CEP152: variants seen among roughly 807,000 people sequenced by gnomAD.
CEP152 encodes centrosomal protein 152, also known as centrosomal protein of 152 kDa.
In CEP152, 132 loss-of-function variants were observed where a neutral mutation model predicts 188.9. The ratio of observed to expected loss-of-function variants is 0.70; its 90% CI spans 0.61 to 0.81. The LOEUF is 0.81. CEP152 is among the 30% of genes least tolerant of loss of function. The pLI is 0.00. For synonymous variants in CEP152, 649 were observed against 666.6 expected, an observed-to-expected ratio of 0.97 and a Z score of 0.41; for missense variants, 1,914 against 1,969.8, an observed-to-expected ratio of 0.97 and a Z score of 0.54.
downstream of CEP152, among the ~76,000 whole-genome samples, chr15:48,734,079 G>T (rs1005815934): frequency 6.6e-6 from 1 of 151,994 alleles, no homozygotes; most frequent in Non-Finnish European, 1.5e-5. Context: ...AAGAGCAGCA[G>T]AAATGATTAC....
At chr15:48,789,110 T>C in intron 8 of CEP152, 109 bp from the exon 9 acceptor site, 8 of 1,012,122 alleles carry the variant, frequency 7.9e-6, no homozygotes, top group Non-Finnish European at 1.2e-5. Flanking sequence ...CAAGCATGTT[T>C]TAATGAGAGT....
intron 13 of CEP152, among the ~76,000 whole-genome samples, chr15:48,771,215 CTTACTTA>C (rs1221622082): frequency 1.3e-5 from 2 of 152,148 alleles, no homozygotes; most frequent in African/African-American, 4.8e-5. Context: ...ATATCTTTGA[CTTACTTA>C]TTAGTCATGT....
chr15:48,736,480 G>T (rs117521888), downstream of CEP152, among the ~76,000 whole-genome samples: 12 of 152,122 alleles, frequency 7.9e-5, no homozygotes, highest in East Asian at 2.1e-3. Context: ...TATCTACAGG[G>T]CTCCTGCCTC....
intron 9 of CEP152, among the ~76,000 whole-genome samples, chr15:48,788,326 C>CTTTTTT: frequency 1.0e-5 from 1 of 97,062 alleles, no homozygotes; most frequent in Non-Finnish European, 2.0e-5. Context: ...TCACTGGCTT[C>CTTTTTT]TTTTTTTTTT....
At chr15:48,778,368 C>T (rs1251723293) in intron 12 of CEP152, among the ~76,000 whole-genome samples, 1 of 152,132 alleles carries the variant, frequency 6.6e-6, no homozygotes, top group Admixed American at 6.6e-5. Flanking sequence ...GGGAAAGAGA[C>T]AAATATCTTC....
At chr15:48,758,033 C>T (rs150840637) in intron 19 of CEP152, among the ~76,000 whole-genome samples, 45 of 152,326 alleles carry the variant, frequency 3.0e-4, no homozygotes, top group African/African-American at 1.0e-3. Flanking sequence ...CTTTGCTGCA[C>T]ATTAGAATCA....
At chr15:48,780,251 C>T (rs970463171) in intron 12 of CEP152, among the ~76,000 whole-genome samples, 1 of 152,094 alleles carries the variant, frequency 6.6e-6, no homozygotes, top group African/African-American at 2.4e-5. Context: ...GGATGAGAGT[C>T]CCTGAAGACA....
chr15:48,757,229 G>A (rs1227435016), intron 19 of CEP152, among the ~76,000 whole-genome samples: 5 of 152,148 alleles, frequency 3.3e-5, no homozygotes, highest in Non-Finnish European at 7.4e-5. Flanking sequence ...AACAGAATCT[G>A]GAGACAAACT....
chr15:48,767,033 T>G (rs1471086839), intron 17 of CEP152, 27 bp downstream of exon 17: 1 of 1,610,832 alleles, frequency 6.2e-7, no homozygotes, highest in Admixed American at 1.7e-5. Context: ...TGAAAGGATG[T>G]CGATACAACA....
At chr15:48,808,635 AAAAC>A (rs1042231250) in intron 1 of CEP152, among the ~76,000 whole-genome samples, 5 of 152,194 alleles carry the variant, frequency 3.3e-5, no homozygotes, top group South Asian at 4.1e-4. Flanking sequence ...CTAGATTGAA[AAAAC>A]AAACAAACAA....
intron 12 of CEP152, among the ~76,000 whole-genome samples, chr15:48,774,328 T>C (rs1407628086): frequency 6.6e-6 from 1 of 152,152 alleles, no homozygotes; most frequent in African/African-American, 2.4e-5. Flanking sequence ...AAATTTTTCC[T>C]AATTTGATGA....
chr15:48,807,781 C>A (rs1898080086), intron 1 of CEP152, among the ~76,000 whole-genome samples: 1 of 152,136 alleles, frequency 6.6e-6, no homozygotes, highest in East Asian at 1.9e-4. Flanking sequence ...CTGCCATCAA[C>A]TGATGTTGAT....
Position 48,756,529 on chromosome 15 carries a change from T to C in CEP152, c.2719A>G (p.Lys907Glu), listed in dbSNP as rs867699573. The C allele has an allele frequency of 1.2e-6, 2 of 1,607,648 alleles. No homozygotes were observed. Among genetic ancestry groups the C allele is most frequent in the Admixed American group, 3.3e-5 (2 of 59,980 alleles). The change falls in exon 20 of 27, where the codon AAA (lysine) becomes GAA (glutamate). Residue 907 changes from lysine to glutamate, a missense_variant. By Grantham distance (56) the Lys-to-Glu change is moderately conservative (BLOSUM62 1). Coordinates refer to ENST00000380950, the MANE Select transcript of CEP152 (RefSeq NM_001194998.2). Reference protein sequence around the residue: ...KRISFAVSEAKEKWKSELENM... With the variant: ...KRISFAVSEAEEKWKSELENM... ...TCAAGCTCACTCTTCCATTTCTCTT[T>C]AGCTTCAGAAACAGCAAATGATATC...
At chr15:48,808,201 ATTATCACT>A (rs1037044322) in intron 1 of CEP152, among the ~76,000 whole-genome samples, 3 of 151,900 alleles carry the variant, frequency 2.0e-5, no homozygotes, top group African/African-American at 7.2e-5. Flanking sequence ...ATCACCACTC[ATTATCACT>A]GCTACCAGAG....
chr15:48,762,693 A>G (rs781188458), intron 17 of CEP152, 21 bp from the exon 18 acceptor site: 3 of 1,611,004 alleles, frequency 1.9e-6, no homozygotes, highest in South Asian at 1.1e-5. Context: ...AAGAAAAATC[A>G]TACGAGAAGA....
At chr15:48,782,274 G>A (rs1896304971) in intron 10 of CEP152, 44 bp from the exon 11 acceptor site, 1 of 1,534,558 alleles carries the variant, frequency 6.5e-7, no homozygotes. Context: ...AAATTAAGGG[G>A]ACAAAGTGCT....
intron 2 of CEP152, among the ~76,000 whole-genome samples, chr15:48,799,757 C>G (rs1023267917): frequency 6.6e-6 from 1 of 151,948 alleles, no homozygotes; most frequent in Non-Finnish European, 1.5e-5. Flanking sequence ...CAAGACATGC[C>G]TCAAATGAAA....
chr15:48,760,760 T>C (rs1894626616), intron 18 of CEP152, among the ~76,000 whole-genome samples: 1 of 152,142 alleles, frequency 6.6e-6, no homozygotes, highest in African/African-American at 2.4e-5. Context: ...ATGAGGGTGA[T>C]ACCTCTGAAG....
chr15:48,735,387 C>G (rs147663622), downstream of CEP152, among the ~76,000 whole-genome samples: 58 of 152,288 alleles, frequency 3.8e-4, no homozygotes, highest in African/African-American at 1.3e-3. Flanking sequence ...GAGCTTTATA[C>G]ATCTATATCA....
Sources: allele counts gnomAD v4.1 joint callset (sites outside exome capture counted in the v4.1 genomes callset), GRCh38; gene constraint gnomAD v4.1.1; transcripts MANE v1.5; gene names NCBI Gene and HGNC (gene_info 2026-07-23, HGNC 2026-07-21).